Variants in ALDH5A1 observed in about 807,000 individuals in gnomAD.
The protein encoded by ALDH5A1 is aldehyde dehydrogenase 5 family member A1.
ALDH5A1 carries 33 observed loss-of-function variants against 54.7 expected under a neutral mutation model. The observed-to-expected ratio is 0.60, with a 90% confidence interval of 0.46 to 0.81. The LOEUF (loss-of-function observed/expected upper bound fraction) is 0.81, where lower values mean the gene tolerates loss of function less well. Among genes scored for constraint, ALDH5A1 ranks in the 30% least tolerant of loss-of-function variants. The pLI, the probability that ALDH5A1 is intolerant of heterozygous loss-of-function variation, is 0.00. For synonymous variants in ALDH5A1, 294 were observed against 292.7 expected, an observed-to-expected ratio of 1.00 and a Z score of -0.05; for missense variants, 657 against 711.0, an observed-to-expected ratio of 0.92 and a Z score of 0.86.
At chr6:24,495,568 T>C (rs981198733) in intron 1 of ALDH5A1, among the ~76,000 whole-genome samples, 1 of 152,150 alleles carries the variant, frequency 6.6e-6, no homozygotes, top group African/African-American at 2.4e-5. Context: ...ACCCCTGCCC[T>C]CAAGCCTCAT....
rs567773227 is a variant in ALDH5A1 at position 24,529,178 on chromosome 6, T to C, written c.1343+1012T>C. 3.3e-5 allele frequency among the ~76,000 whole-genome samples: 5 copies of C among 152,118 alleles called. No individual in the cohort carries two copies. The East Asian group carries it at 9.7e-4, about 30-fold the overall frequency. On this transcript the variant is annotated intron_variant, in intron 8 of 9. Transcript: ENST00000357578. Reference sequence around the variant, plus strand: ...ACTTTTTTTTTCTTTTTTTTGTTTTTTGTTTTGATATGGAGTCTAACTCCG... The same window carrying C: ...ACTTTTTTTTTCTTTTTTTTGTTTTCTGTTTTGATATGGAGTCTAACTCCG...
rs1227495266 is a variant in ALDH5A1 at position 24,495,261 on chromosome 6, A to T, written c.265A>T (p.Met89Leu). ...CCCGGCCAGCGGCGCCGCTCTGGGCATGGTAGCCGACTGCGGGGTGCGAGA... is the reference window on the plus strand; with the variant it reads ...CCCGGCCAGCGGCGCCGCTCTGGGCTTGGTAGCCGACTGCGGGGTGCGAGA... ...QDPASGAALG[M>L]VADCGVREAR... The change falls in exon 1 of 10, where the codon ATG becomes TTG. Residue 89 changes from methionine to leucine, a missense_variant. By Grantham distance (15) the Met-to-Leu change is conservative. This residue lies in a region of ALDH5A1 where 232 missense variants were observed against 194.6 expected (regional missense o/e 1.19). Coordinates refer to ENST00000357578, the MANE Select transcript of ALDH5A1 (RefSeq NM_001080.3). The T allele has an allele frequency of 1.3e-6, 2 of 1,530,594 alleles. No individual in the cohort carries two copies. The highest frequency in any genetic ancestry group is 2.8e-5 in the African/African-American group (2 of 72,538). 94.8% of individuals were successfully genotyped at this position (1,530,594 alleles called of 1,614,324 possible).
At position 24,528,038 on chromosome 6, in the gene ALDH5A1, C is replaced by A; in HGVS notation, c.1215C>A (p.Thr405=). The A allele has an allele frequency of 6.2e-7, 1 of 1,614,078 alleles. No homozygotes were observed. Among genetic ancestry groups the A allele is most frequent in the South Asian group, 1.1e-5 (1 of 91,072 alleles). The part of the protein sequence containing the change: ...QVNDAVSKGA[T]VVTGGKRHQL... ...ATGATGCCGTTTCTAAAGGTGCCAC[C>A]GTTGTGACAGGTGGAAAACGACACC... Residue 405 remains threonine, a synonymous_variant, in exon 8 of 10, where the codon ACC becomes ACA. Transcript: ENST00000357578.
chr6:24,513,765 G>T (rs796139620), intron 4 of ALDH5A1, among the ~76,000 whole-genome samples: 5 of 146,788 alleles, frequency 3.4e-5, no homozygotes, highest in African/African-American at 1.2e-4. Flanking sequence ...AACAGCTGTG[G>T]ACTATTTGGG....
At chr6:24,503,541 C>A (rs1304896073) in intron 3 of ALDH5A1, 108 bp downstream of exon 3, 3 of 1,336,256 alleles carry the variant, frequency 2.2e-6, no homozygotes, top group Non-Finnish European at 3.1e-6. Flanking sequence ...AGTTTTGTCA[C>A]CTGTTCCTGG....
At chr6:24,523,599 C>T (rs905860535) in intron 7 of ALDH5A1, among the ~76,000 whole-genome samples, 1 of 152,202 alleles carries the variant, frequency 6.6e-6, no homozygotes, top group South Asian at 2.1e-4. Flanking sequence ...TCCCTCACTG[C>T]CTCAGCAATT....
chr6:24,496,225 C>T (rs976545867), intron 1 of ALDH5A1, among the ~76,000 whole-genome samples: 4 of 152,106 alleles, frequency 2.6e-5, no homozygotes, highest in African/African-American at 9.7e-5. Context: ...GCTTGGGATA[C>T]CTCAGTTAAA....
rs1197861039 is a variant in ALDH5A1, at chr6:24,534,760, A to C, written c.*1048A>C. ...CAGTGCCCACTTGCCCACCGACCTG[A>C]GCCTGAGTAAGTGGCTGTCACCTGA... On this transcript the variant is annotated 3_prime_UTR_variant, in exon 10 of 10. Transcript: ENST00000357578. 6.6e-6 allele frequency: 1 copy of C among 152,296 alleles called. No homozygotes were observed. The highest frequency in any genetic ancestry group is 1.9e-4 in the East Asian group (1 of 5,202). 9.4% of individuals were successfully genotyped at this position (152,296 alleles called of 1,614,324 possible). A position where few individuals can be genotyped will look rare whatever the true frequency, so the allele number is the denominator to read the frequency against.
intron 4 of ALDH5A1, 61 bp from the exon 5 acceptor site, chr6:24,515,102 CTTTT>C (rs4646842): frequency 1.2e-3 from 1,094 of 928,186 alleles, no homozygotes; most frequent in East Asian, 1.9e-3. Context: ...TTTCTCTTTT[CTTTT>C]TTTTTTTTTT....
intron 4 of ALDH5A1, among the ~76,000 whole-genome samples, chr6:24,505,195 C>T (rs1759314954): frequency 6.6e-6 from 1 of 152,196 alleles, no homozygotes; most frequent in Non-Finnish European, 1.5e-5. Flanking sequence ...ATCTGCAGGC[C>T]ATATGTTTTC....
chr6:24,513,833 C>T (rs1163069870), intron 4 of ALDH5A1, among the ~76,000 whole-genome samples: 2 of 152,328 alleles, frequency 1.3e-5, no homozygotes, highest in Non-Finnish European at 2.9e-5. Flanking sequence ...TCCTCTCACA[C>T]AGGTGCTGAT....
In ALDH5A1 at chr6:24,535,986, T is replaced by C. The variant is rs1441260496; in HGVS notation, c.*2274T>C. 2.0e-5 allele frequency: 3 copies of C among 152,202 alleles called. No homozygotes were observed. Among genetic ancestry groups the C allele is most frequent in the African/African-American group, 7.2e-5 (3 of 41,450 alleles). 9.4% of individuals were successfully genotyped at this position (152,202 alleles called of 1,614,324 possible). On this transcript the variant is annotated 3_prime_UTR_variant, in exon 10 of 10. Transcript: ENST00000357578. Reference sequence around the variant, plus strand: ...CATATTTGGCTCATGGGTTCATAAATTGAGGCCAGAGACTCATTGTATATC... The same window carrying C: ...CATATTTGGCTCATGGGTTCATAAACTGAGGCCAGAGACTCATTGTATATC...
chr6:24,527,735 G>A (rs917075861), intron 7 of ALDH5A1, among the ~76,000 whole-genome samples: 9 of 152,166 alleles, frequency 5.9e-5, no homozygotes, highest in Non-Finnish European at 1.2e-4. Context: ...GGCCTAGAAA[G>A]AAGCGAATAT....
chr6:24,517,043 G>A (rs1343429566), intron 5 of ALDH5A1, among the ~76,000 whole-genome samples: 1 of 152,036 alleles, frequency 6.6e-6, no homozygotes, highest in African/African-American at 2.4e-5. Flanking sequence ...CAGTTGCCCT[G>A]TTGCCCAGGC....
At chr6:24,522,501 G>GTGTGTGTGTGTC in intron 6 of ALDH5A1, 1 of 361,782 alleles carries the variant, frequency 2.8e-6, no homozygotes, top group Admixed American at 3.8e-5. Context: ...GTGTGTGTGT[G>GTGTGTGTGTGTC]TGTACAGGTG....
intron 1 of ALDH5A1, among the ~76,000 whole-genome samples, chr6:24,500,271 C>T (rs1307808706): frequency 6.6e-6 from 1 of 152,008 alleles, no homozygotes; most frequent in Admixed American, 6.6e-5. Flanking sequence ...GTGCCTGGGC[C>T]CTCTTCTTAA....
At position 24,522,754 on chromosome 6, in the gene ALDH5A1, G is replaced by C. The variant is rs1380346574; in HGVS notation, c.1015-13G>C. 7 of 1,613,440 alleles carry C rather than the reference G, an allele frequency of 4.3e-6. No homozygotes were observed. Among genetic ancestry groups the C allele is most frequent in the Non-Finnish European group, 5.9e-6 (7 of 1,179,706 alleles). On this transcript the variant is annotated splice_polypyrimidine_tract_variant and intron_variant, in intron 6 of 9. Transcript: ENST00000357578. ...TGACAGACTGTGTGGGTTTGTTTTT[G>C]TCTCCTGTCCAGACTTGTGTTTGCT...
intron 7 of ALDH5A1, among the ~76,000 whole-genome samples, chr6:24,525,745 C>A (rs1018996022): frequency 1.3e-5 from 2 of 151,878 alleles, no homozygotes; most frequent in African/African-American, 4.8e-5. Flanking sequence ...CCCAGGGGAA[C>A]CCTGCAGAGG....
intron 4 of ALDH5A1, among the ~76,000 whole-genome samples, chr6:24,507,854 G>T (rs1759387749): frequency 6.6e-6 from 1 of 152,096 alleles, no homozygotes; most frequent in Non-Finnish European, 1.5e-5. Flanking sequence ...TTCTTTAGTG[G>T]TGATTTGTGA....
Sources: gnomAD v4.1 joint callset for allele counts (sites outside exome capture counted in the v4.1 genomes callset) on GRCh38, gnomAD v4.1.1 for gene constraint, gnomAD v4.1.1 regional missense constraint, MANE v1.5 for transcripts, NCBI Gene and HGNC (gene_info 2026-07-23, HGNC 2026-07-21) for gene names.